SCUBE1: variants seen among roughly 807,000 people sequenced by gnomAD.
The protein encoded by SCUBE1 is signal peptide, CUB domain and EGF like domain containing 1, also known as signal peptide, CUB and EGF-like domain-containing protein 1.
SCUBE1 carries 59 observed loss-of-function variants against 124.4 expected under a neutral mutation model. The ratio of observed to expected loss-of-function variants is 0.47; its 90% CI spans 0.38 to 0.59. The LOEUF is 0.59. SCUBE1 is among the 20% of genes least tolerant of loss of function. The probability of loss-of-function intolerance (pLI) is 0.00; values close to 1 mark genes in which losing one functional copy is unlikely to be tolerated. For synonymous variants in SCUBE1, 545 were observed against 550.9 expected, an observed-to-expected ratio of 0.99 and a Z score of 0.15; for missense variants, 1,150 against 1,371.2, an observed-to-expected ratio of 0.84 and a Z score of 2.55.
intron 2 of SCUBE1, among the ~76,000 whole-genome samples, chr22:43,324,716 C>G (rs1926665958): frequency 6.6e-6 from 1 of 151,688 alleles, no homozygotes; most frequent in South Asian, 2.1e-4. Flanking sequence ...CAGGCTCAGA[C>G]CACTTTTTCA....
chr22:43,229,063 G>A lies in SCUBE1; in HGVS notation c.1084+9C>T. On this transcript the variant is annotated intron_variant, in intron 9 of 21. Coordinates refer to ENST00000360835, the MANE Select transcript of SCUBE1 (RefSeq NM_173050.5). ...GGGGGGAGGTGGCCCTGGCGGGCAG[G>A]CTGCAGACCTCCGCAGTGGGTTGTC... 1 of 1,601,116 alleles carries A rather than the reference G, an allele frequency of 6.2e-7. No individual in the cohort carries two copies. The highest frequency in any genetic ancestry group is 8.5e-7 in the Non-Finnish European group (1 of 1,171,064).
chr22:43,212,925 CAGA>C (rs1921632709), intron 16 of SCUBE1, among the ~76,000 whole-genome samples: 1 of 152,154 alleles, frequency 6.6e-6, no homozygotes, highest in African/African-American at 2.4e-5. Flanking sequence ...TCACGTGTCT[CAGA>C]GGGGCTGTCC....
In SCUBE1 at chr22:43,227,396, G is replaced by A; in HGVS notation, c.1185C>T (p.His395=). ...ECVCPPGRRL[H]WNGKDCVETG... is the part of the protein sequence containing the mutation. Reference sequence around the variant, plus strand: ...TACCCACGCAATCCTTCCCGTTCCAGTGGAGCCGCCTCCCCGGGGGACAGA... The same window carrying A: ...TACCCACGCAATCCTTCCCGTTCCAATGGAGCCGCCTCCCCGGGGGACAGA... The change falls in exon 10 of 22, where the codon CAC becomes CAT. Residue 395 remains histidine, a synonymous_variant. Coordinates refer to ENST00000360835, the MANE Select transcript of SCUBE1 (RefSeq NM_173050.5). The A allele has an allele frequency of 6.2e-7, 1 of 1,611,730 alleles. No individual in the cohort carries two copies. The highest frequency in any genetic ancestry group is 8.5e-7 in the Non-Finnish European group (1 of 1,179,704).
At chr22:43,315,018 GA>G (rs1926296695) in intron 3 of SCUBE1, among the ~76,000 whole-genome samples, 1 of 86,098 alleles carries the variant, frequency 1.2e-5, no homozygotes, top group African/African-American at 5.8e-5. Flanking sequence ...TAGAAATATT[GA>G]TTTTTTTTAA....
At chr22:43,259,981 G>A (rs763198181) in intron 5 of SCUBE1, among the ~76,000 whole-genome samples, 30 of 152,322 alleles carry the variant, frequency 2.0e-4, no homozygotes, top group South Asian at 6.2e-4. Flanking sequence ...GGCCAGGAAG[G>A]AACCCAGGGA....
At position 43,210,950 on chromosome 22, in the gene SCUBE1, A is replaced by G; in HGVS notation, c.2355T>C (p.Asp785=). 2 of 1,612,204 alleles carry G rather than the reference A, an allele frequency of 1.2e-6. No individual in the cohort carries two copies. Among genetic ancestry groups the G allele is most frequent in the Non-Finnish European group, 1.7e-6 (2 of 1,179,030 alleles). Reference sequence around the variant, plus strand: ...TGCAGTGTGTGACGTTGGTGGAGCCATCGAAGTCTGTGCTGGTGTTGCCCG... The same window carrying G: ...TGCAGTGTGTGACGTTGGTGGAGCCGTCGAAGTCTGTGCTGGTGTTGCCCG... ...TCPGNTSTDF[D]GSTNVTHCKN... Residue 785 remains aspartate (D), a synonymous_variant, in exon 18 of 22, where the codon GAT becomes GAC. Transcript: ENST00000360835. The surrounding 1 kb of genome is among the most constrained non-coding windows in gnomAD (Gnocchi z 4.5).
intron 4 of SCUBE1, chr22:43,272,406 C>T (rs1275542692): frequency 6.6e-6 from 1 of 152,246 alleles, no homozygotes; most frequent in African/African-American, 2.4e-5. Flanking sequence ...TGTGCACAGG[C>T]CTTGGCTCAG....
At chr22:43,205,087 G>A (rs190902138) in intron 21 of SCUBE1, among the ~76,000 whole-genome samples, 78 of 152,246 alleles carry the variant, frequency 5.1e-4, no homozygotes, top group Non-Finnish European at 1.0e-3. Context: ...AGGCCTGCTC[G>A]CTGGTCCCTG....
intron 3 of SCUBE1, among the ~76,000 whole-genome samples, chr22:43,313,617 T>TG (rs1926244406): frequency 6.6e-6 from 1 of 152,244 alleles, no homozygotes; most frequent in Non-Finnish European, 1.5e-5. Context: ...AGCAGCCATT[T>TG]GGGGTTGAGC....
At chr22:43,286,146 T>G (rs1925131682) in intron 4 of SCUBE1, among the ~76,000 whole-genome samples, 3 of 152,218 alleles carry the variant, frequency 2.0e-5, no homozygotes, top group Admixed American at 2.0e-4. Flanking sequence ...ACAAATCACA[T>G]GAATAAGAGC....
chr22:43,317,559 G>A (rs1926395068), intron 3 of SCUBE1, among the ~76,000 whole-genome samples: 1 of 152,148 alleles, frequency 6.6e-6, no homozygotes, highest in Non-Finnish European at 1.5e-5. Context: ...ATGTATCTAC[G>A]GACATGCTCC....
In SCUBE1 at chr22:43,255,595, G is replaced by A; in HGVS notation, c.727+2624C>T. The A allele has an allele frequency of 1.9e-6, 3 of 1,544,902 alleles. No individual in the cohort carries two copies. The highest frequency in any genetic ancestry group is 2.6e-6 in the Non-Finnish European group (3 of 1,142,106). ...ATCCTTCTCTAAAACACAAGTAAGG[G>A]ACAAACACGGAGCCAGTGGTTAATG... On this transcript the variant is annotated intron_variant, in intron 6 of 21. Transcript: ENST00000360835. The surrounding 1 kb of genome is among the most constrained non-coding windows in gnomAD (Gnocchi z 4.7).
In SCUBE1 at chr22:43,211,021, C is replaced by T. The variant is rs142917989; in HGVS notation, c.2284G>A (p.Gly762Ser). ...TGGCCAAACTCGGGCTGGTAGGTGCCGACGGGGCAGCGGATGCAGCGGTGG... is the reference window on the plus strand; with the variant it reads ...TGGCCAAACTCGGGCTGGTAGGTGCTGACGGGGCAGCGGATGCAGCGGTGG... ...TTHRCIRCPVGTYQPEFGQNH... is the reference protein window; with the variant it reads ...TTHRCIRCPVSTYQPEFGQNH... Residue 762 changes from glycine to serine, a missense_variant, in exon 18 of 22, where the codon GGC becomes AGC. Gly to Ser is a moderately conservative substitution (Grantham distance 56). Transcript: ENST00000360835. The surrounding 1 kb of genome is among the most constrained non-coding windows in gnomAD (Gnocchi z 4.5). 36 of 1,613,960 alleles carry T rather than the reference C, an allele frequency of 2.2e-5. No individual in the cohort carries two copies. Among genetic ancestry groups the T allele is most frequent in the Admixed American group, 3.3e-5 (2 of 59,996 alleles).
At chr22:43,320,583 G>T (rs965637696) in intron 2 of SCUBE1, among the ~76,000 whole-genome samples, 1 of 152,196 alleles carries the variant, frequency 6.6e-6, no homozygotes, top group African/African-American at 2.4e-5. Flanking sequence ...GGGTCAAAGG[G>T]CTATCAATTC....
At chr22:43,316,068 A>G (rs2146780161) in intron 3 of SCUBE1, among the ~76,000 whole-genome samples, 1 of 152,342 alleles carries the variant, frequency 6.6e-6, no homozygotes, top group East Asian at 1.9e-4. Flanking sequence ...CCACATCAAC[A>G]CATCTCATCT....
intron 4 of SCUBE1, among the ~76,000 whole-genome samples, chr22:43,284,427 T>C (rs909749938): frequency 6.6e-6 from 1 of 152,224 alleles, no homozygotes; most frequent in African/African-American, 2.4e-5. Flanking sequence ...TGGTGCCAGC[T>C]ATAAAGGCAT....
intron 3 of SCUBE1, among the ~76,000 whole-genome samples, chr22:43,291,614 G>A (rs1002978072): frequency 1.1e-4 from 17 of 152,228 alleles, no homozygotes; most frequent in African/African-American, 1.4e-4. Context: ...ATGGCGCTGC[G>A]CTACAGTGGC....
chr22:43,341,742 G>A (rs1438216079), intron 1 of SCUBE1, among the ~76,000 whole-genome samples: 1 of 152,196 alleles, frequency 6.6e-6, no homozygotes, highest in Non-Finnish European at 1.5e-5. Context: ...CTCCCCTGCA[G>A]GGCGACCCAG....
In SCUBE1 at chr22:43,210,091, G is replaced by A; in HGVS notation, c.2533C>T (p.Leu845=). The A allele has an allele frequency of 6.2e-7, 1 of 1,612,886 alleles. No homozygotes were observed. The highest frequency in any genetic ancestry group is 8.5e-7 in the Non-Finnish European group (1 of 1,179,656). ...RILIVVPEIF[L]PIEDECGDVL... Reference sequence around the variant, plus strand: ...TCGCCGCACTCATCCTCGATGGGCAGGAAGATCTCAGGGACCACGATGAGG... The same window carrying A: ...TCGCCGCACTCATCCTCGATGGGCAAGAAGATCTCAGGGACCACGATGAGG... Residue 845 remains leucine, a synonymous_variant, in exon 19 of 22, where the codon CTG becomes TTG. Transcript: ENST00000360835. The surrounding 1 kb of genome is among the most constrained non-coding windows in gnomAD (Gnocchi z 4.5).
Sources: gnomAD v4.1 joint callset for allele counts (sites outside exome capture counted in the v4.1 genomes callset) on GRCh38, gnomAD v4.1.1 for gene constraint, Gnocchi (gnomAD v3.1) non-coding constraint, MANE v1.5 for transcripts, NCBI Gene and HGNC (gene_info 2026-07-23, HGNC 2026-07-21) for gene names.